Variants in MAML2 observed in about 807,000 individuals in gnomAD.
The protein encoded by MAML2 is mastermind like transcriptional coactivator 2.
Under a neutral mutation model 96.1 loss-of-function variants are expected in MAML2, and 22 were observed. That is an observed-to-expected ratio of 0.23 (90% CI 0.16 to 0.33). The LOEUF (loss-of-function observed/expected upper bound fraction) is 0.33, where lower values mean the gene tolerates loss of function less well. Among genes scored for constraint, MAML2 ranks in the 10% least tolerant of loss-of-function variants. The pLI, the probability that MAML2 is intolerant of heterozygous loss-of-function variation, is 1.00. For missense variants in MAML2, 1,367 were observed against 1,392.4 expected (o/e 0.98, Z 0.29); for synonymous variants, 561 against 521.3 (o/e 1.08, Z -1.04).
At chr11:96,001,414 C>A (rs962002354) in intron 2 of MAML2, among the ~76,000 whole-genome samples, 2 of 152,156 alleles carry the variant, frequency 1.3e-5, no homozygotes, top group African/African-American at 4.8e-5. Context: ...CAAATTTCTG[C>A]TCTATAAGTT....
intron 1 of MAML2, among the ~76,000 whole-genome samples, chr11:96,134,444 C>T (rs950934816): frequency 2.0e-5 from 3 of 152,178 alleles, no homozygotes; most frequent in African/African-American, 7.2e-5. Flanking sequence ...GTGCTTTCCT[C>T]CTTATACAAC....
chr11:96,067,143 C>T (rs1859258018), intron 2 of MAML2, among the ~76,000 whole-genome samples: 1 of 152,184 alleles, frequency 6.6e-6, no homozygotes, highest in African/African-American at 2.4e-5. Flanking sequence ...TCCCTTGTGA[C>T]ATATCACAAA....
At chr11:96,233,317 T>C (rs1163933673) in intron 1 of MAML2, among the ~76,000 whole-genome samples, 3 of 151,816 alleles carry the variant, frequency 2.0e-5, no homozygotes, top group East Asian at 3.9e-4. Context: ...TCTTCACAGA[T>C]AGATAAAAGT....
At chr11:96,252,386 G>A (rs1565263100) in intron 1 of MAML2, among the ~76,000 whole-genome samples, 1 of 149,526 alleles carries the variant, frequency 6.7e-6, no homozygotes, top group South Asian at 2.1e-4. Flanking sequence ...GTGATGTTTT[G>A]TGCAAGGCAT....
intron 4 of MAML2, among the ~76,000 whole-genome samples, chr11:95,980,384 T>C (rs1345077783): frequency 6.6e-6 from 1 of 152,122 alleles, no homozygotes; most frequent in Non-Finnish European, 1.5e-5. Context: ...TGTGGATGAA[T>C]GCTACACACG....
chr11:95,999,477 G>T (rs1858047376), intron 2 of MAML2, among the ~76,000 whole-genome samples: 1 of 141,350 alleles, frequency 7.1e-6, no homozygotes, highest in Non-Finnish European at 1.6e-5. Context: ...GTTGGATTCA[G>T]TCAGTTTTAT....
At chr11:96,098,957 T>TGTATAGAGATTACAAGCATGA (rs1207031409) in intron 1 of MAML2, among the ~76,000 whole-genome samples, 1 of 152,216 alleles carries the variant, frequency 6.6e-6, no homozygotes, top group African/African-American at 2.4e-5. Context: ...TTTCTTCCCC[T>TGTATAGAGATTACAAGCATGA]GCCCCCATCC....
At chr11:96,014,410 C>T (rs1858311652) in intron 2 of MAML2, among the ~76,000 whole-genome samples, 1 of 152,172 alleles carries the variant, frequency 6.6e-6, no homozygotes, top group African/African-American at 2.4e-5. Context: ...GAGGAAACCA[C>T]ATTCAGAAAA....
At chr11:95,984,978 A>G (rs1053850138) in intron 4 of MAML2, among the ~76,000 whole-genome samples, 6 of 152,304 alleles carry the variant, frequency 3.9e-5, no homozygotes, top group African/African-American at 1.2e-4. Context: ...TGTACTTACC[A>G]TTTATTTTAT....
intron 1 of MAML2, among the ~76,000 whole-genome samples, chr11:96,241,401 G>T (rs1168361405): frequency 6.6e-6 from 1 of 152,184 alleles, no homozygotes; most frequent in East Asian, 1.9e-4. Flanking sequence ...TATTGCAGTG[G>T]TCCTTGACAG....
At position 96,092,857 on chromosome 11, in the gene MAML2, A is replaced by T; in HGVS notation, c.1174T>A (p.Ser392Thr). 1 of 1,607,270 alleles carries T rather than the reference A, an allele frequency of 6.2e-7. No homozygotes were observed. Among genetic ancestry groups the T allele is most frequent in the Non-Finnish European group, 8.5e-7 (1 of 1,176,274 alleles). ...GTGGAGAGGGCAGAGTTGGCCATGG[A>T]GAATGCGGGGCCAGCTGATGGGGGC... ...LRPPSAGPAF[S>T]MANSALSTSS... The change falls in exon 2 of 5, where the codon TCC becomes ACC. Residue 392 changes from serine to threonine, a missense_variant. Physicochemically the swap from Ser to Thr is moderately conservative, Grantham distance 58. Transcript: ENST00000524717. This position sits in a 1 kb window ranked among gnomAD's most constrained non-coding sequence, Gnocchi z 4.1.
At chr11:96,321,954 G>T (rs546748679) in intron 1 of MAML2, among the ~76,000 whole-genome samples, 44 of 152,164 alleles carry the variant, frequency 2.9e-4, no homozygotes, top group Admixed American at 2.2e-3. Context: ...CGAGTTTTTT[G>T]TTGTTGTTGT....
chr11:96,333,624 G>T (rs1591137669), intron 1 of MAML2, among the ~76,000 whole-genome samples: 1 of 152,178 alleles, frequency 6.6e-6, no homozygotes, highest in African/African-American at 2.4e-5. Flanking sequence ...CCACATCAAG[G>T]CATGGAAATT....
intron 1 of MAML2, among the ~76,000 whole-genome samples, chr11:96,318,778 A>G (rs762747724): frequency 2.0e-5 from 3 of 152,228 alleles, no homozygotes; most frequent in Non-Finnish European, 4.4e-5. Flanking sequence ...GGGGACATTC[A>G]TTGAATACCT....
At chr11:96,227,921 G>A (rs771333967) in intron 1 of MAML2, among the ~76,000 whole-genome samples, 1 of 152,194 alleles carries the variant, frequency 6.6e-6, no homozygotes, top group Non-Finnish European at 1.5e-5. Flanking sequence ...GGCCAACAAA[G>A]TGAGACCCCT....
chr11:96,291,901 G>A (rs767568765), intron 1 of MAML2, among the ~76,000 whole-genome samples: 20 of 152,100 alleles, frequency 1.3e-4, no homozygotes, highest in South Asian at 6.2e-4. Flanking sequence ...TGGACTCTGG[G>A]GTGGCTGTCT....
At chr11:96,013,474 G>T (rs563435378) in intron 2 of MAML2, among the ~76,000 whole-genome samples, 1 of 152,124 alleles carries the variant, frequency 6.6e-6, no homozygotes, top group Non-Finnish European at 1.5e-5. Flanking sequence ...AAAGTACTGG[G>T]TAGAGAAAGG....
intron 1 of MAML2, among the ~76,000 whole-genome samples, chr11:96,206,668 C>T (rs1375639685): frequency 6.6e-6 from 1 of 152,184 alleles, no homozygotes; most frequent in Non-Finnish European, 1.5e-5. Context: ...TCATTTTGTG[C>T]TTTTCAGACC....
intron 2 of MAML2, among the ~76,000 whole-genome samples, chr11:96,037,582 T>A (rs1858738742): frequency 6.6e-6 from 1 of 152,196 alleles, no homozygotes; most frequent in Non-Finnish European, 1.5e-5. Flanking sequence ...ATTGATACTA[T>A]GACTTCTGAG....
Sources: gnomAD v4.1 joint callset for allele counts (sites outside exome capture counted in the v4.1 genomes callset) on GRCh38, gnomAD v4.1.1 for gene constraint, Gnocchi (gnomAD v3.1) non-coding constraint, MANE v1.5 for transcripts, NCBI Gene and HGNC (gene_info 2026-07-23, HGNC 2026-07-21) for gene names.